Variants in ADGRB1 observed in about 807,000 individuals in gnomAD.
The protein encoded by ADGRB1 is adhesion G protein-coupled receptor B1.
A neutral mutation model predicts 175.7 loss-of-function variants in ADGRB1; 36 were observed. The ratio of observed to expected loss-of-function variants is 0.20; its 90% CI spans 0.16 to 0.27. The LOEUF is 0.27. ADGRB1 is among the 10% of genes least tolerant of loss of function. The pLI is 1.00. For synonymous variants in ADGRB1, 1,054 were observed against 979.4 expected, an observed-to-expected ratio of 1.08 and a Z score of -1.42; for missense variants, 1,731 against 2,255.3, an observed-to-expected ratio of 0.77 and a Z score of 4.71.
At chr8:142,536,360 C>T (rs1420460715) in intron 25 of ADGRB1, among the ~76,000 whole-genome samples, 5 of 152,182 alleles carry the variant, frequency 3.3e-5, no homozygotes, top group Non-Finnish European at 1.5e-5. Flanking sequence ...CAGTCTTTAC[C>T]TCCTTGGGAG....
intron 12 of ADGRB1, among the ~76,000 whole-genome samples, chr8:142,484,407 C>G (rs572958647): frequency 6.6e-6 from 1 of 152,360 alleles, no homozygotes; most frequent in South Asian, 2.1e-4. Flanking sequence ...CCGGGCAGCA[C>G]CCGGCATGGG....
At chr8:142,516,557 CAT>C (rs1491583623) in intron 18 of ADGRB1, among the ~76,000 whole-genome samples, 7 of 128,694 alleles carry the variant, frequency 5.4e-5, no homozygotes, top group Admixed American at 3.2e-4. Context: ...GCCCCAGGTG[CAT>C]GTGTGTGTGT....
chr8:142,533,158 G>A lies in ADGRB1; in HGVS notation c.3399-137G>A, dbSNP rs2132225847. 3 of 1,012,202 alleles carry A rather than the reference G, an allele frequency of 3.0e-6. No individual in the cohort carries two copies. The South Asian group carries it at 5.4e-5, about 18-fold the overall frequency. 62.7% of individuals were successfully genotyped at this position (1,012,202 alleles called of 1,614,324 possible). ...AGACTCACCCCAGAGAGGAAGGGCT[G>A]CTTGGCCCAGGCCCCCAGAGACAGA... is the stretch of plus-strand genomic sequence containing the variant. On this transcript the variant is annotated intron_variant, in intron 24 of 30. Coordinates refer to ENST00000517894, the MANE Select transcript of ADGRB1 (RefSeq NM_001702.3).
intron 23 of ADGRB1, among the ~76,000 whole-genome samples, chr8:142,525,661 C>T (rs1461104689): frequency 6.6e-6 from 1 of 152,188 alleles, no homozygotes; most frequent in Non-Finnish European, 1.5e-5. Flanking sequence ...GTCATGAGCC[C>T]TGAGCTGGAG....
At chr8:142,527,357 G>GT (rs1844268652) in intron 24 of ADGRB1, among the ~76,000 whole-genome samples, 1 of 152,106 alleles carries the variant, frequency 6.6e-6, no homozygotes. Flanking sequence ...CCTCCCCTCC[G>GT]TGCCAGTCTT....
chr8:142,452,127 C>T (rs1411096732), intron 1 of ADGRB1, among the ~76,000 whole-genome samples: 2 of 152,206 alleles, frequency 1.3e-5, no homozygotes, highest in African/African-American at 4.8e-5. Flanking sequence ...CCCGGAGCGC[C>T]CGGCGCCCCA....
In ADGRB1 at chr8:142,522,121, C is replaced by G. The variant is rs2132133318; in HGVS notation, c.3175+6C>G. On this transcript the variant is annotated splice_donor_region_variant and intron_variant, in intron 21 of 30. Coordinates refer to ENST00000517894, the MANE Select transcript of ADGRB1 (RefSeq NM_001702.3). ...CTTCCTCTGCCTGGGCTGGGGTGAG[C>G]CGCGGCCTTCCCGACCCTCCTGGAC... 2 of 1,606,698 alleles carry G rather than the reference C, an allele frequency of 1.2e-6. No individual in the cohort carries two copies. Among genetic ancestry groups the G allele is most frequent in the East Asian group, 4.5e-5 (2 of 44,836 alleles).
In ADGRB1 at chr8:142,455,286, A is replaced by G. The variant is rs1295879474; in HGVS notation, c.-220+5182A>G. The stretch of plus-strand genomic sequence containing the variant: ...CAGCACCTGGACACCCCTCACAGCC[A>G]CCTCCCTCAGCATGATCGCTGTCAC... On this transcript the variant is annotated intron_variant, in intron 1 of 30. Transcript: ENST00000517894. This position sits in a 1 kb window ranked among gnomAD's most constrained non-coding sequence, Gnocchi z 4.9. Among the ~76,000 whole-genome samples, 1 of 149,482 alleles carries G rather than the reference A, an allele frequency of 6.7e-6. No individual in the cohort carries two copies. Among genetic ancestry groups the G allele is most frequent in the Non-Finnish European group, 1.5e-5 (1 of 67,476 alleles).
chr8:142,452,117 C>G (rs961686139), intron 1 of ADGRB1, among the ~76,000 whole-genome samples: 3 of 152,222 alleles, frequency 2.0e-5, no homozygotes, highest in Non-Finnish European at 4.4e-5. Flanking sequence ...GTTCGGGGAT[C>G]CCGGAGCGCC....
At position 142,542,240 on chromosome 8, in the gene ADGRB1, G is replaced by T; in HGVS notation, c.4006G>T (p.Ala1336Ser). The T allele has an allele frequency of 6.2e-7, 1 of 1,613,592 alleles. No homozygotes were observed. The highest frequency in any genetic ancestry group is 8.5e-7 in the Non-Finnish European group (1 of 1,179,844). The change falls in exon 28 of 31, where the codon GCC becomes TCC. Residue 1336 changes from alanine (A) to serine (S), a missense_variant. This residue lies in a region of ADGRB1 where 394 missense variants were observed against 410.2 expected (regional missense o/e 0.96). Transcript: ENST00000517894. The surrounding 1 kb of genome is among the most constrained non-coding windows in gnomAD (Gnocchi z 6.3). ...GAAGCTGGACTCGGAGCTGAGCCGG[G>T]CCCAGGAGAAGGCTCTGGACACGAG... ...FKKLDSELSR[A>S]QEKALDTSYV...
rs569425057 is a variant in ADGRB1, at chr8:142,499,421, C to T, written c.2675+8606C>T. Among the ~76,000 whole-genome samples the T allele has an allele frequency of 5.3e-5, 8 of 152,350 alleles. No homozygotes were observed. In the East Asian group the frequency reaches 7.7e-4, roughly 15 times the overall value. The stretch of plus-strand genomic sequence containing the variant: ...GATGGCAGGCAGCCGCTCAAAAGAG[C>T]GCCACCCTTGGGGGCCGGAGACTTG... On this transcript the variant is annotated intron_variant, in intron 17 of 30. Coordinates refer to ENST00000517894, the MANE Select transcript of ADGRB1 (RefSeq NM_001702.3).
chr8:142,543,542 G>T lies in ADGRB1; in HGVS notation c.4450-59G>T. The T allele has an allele frequency of 6.3e-7, 1 of 1,586,282 alleles. No homozygotes were observed. On this transcript the variant is annotated intron_variant, in intron 29 of 30. Coordinates refer to ENST00000517894, the MANE Select transcript of ADGRB1 (RefSeq NM_001702.3). This position sits in a 1 kb window ranked among gnomAD's most constrained non-coding sequence, Gnocchi z 4.4. ...GGCAGCCAGGGGACGGGCGGGGCAGGCAGGATGGGCCATGCCCTCCTCCTG... is the reference window on the plus strand; with the variant it reads ...GGCAGCCAGGGGACGGGCGGGGCAGTCAGGATGGGCCATGCCCTCCTCCTG...
At chr8:142,505,267 A>G (rs964195194) in intron 17 of ADGRB1, among the ~76,000 whole-genome samples, 1 of 152,206 alleles carries the variant, frequency 6.6e-6, no homozygotes, top group Non-Finnish European at 1.5e-5. Context: ...GGGCTGGACA[A>G]GCATCGTCTA....
chr8:142,452,987 C>T (rs1229691622), intron 1 of ADGRB1, among the ~76,000 whole-genome samples: 1 of 148,060 alleles, frequency 6.8e-6, no homozygotes, highest in Non-Finnish European at 1.5e-5. Context: ...GCCCGCGGCT[C>T]CGGCCCCATC....
rs530075034 is a variant in ADGRB1 at position 142,452,349 on chromosome 8, G to A, written c.-220+2245G>A. Among the ~76,000 whole-genome samples, 4 of 152,316 alleles carry A rather than the reference G, an allele frequency of 2.6e-5. No homozygotes were observed. The East Asian group carries it at 5.8e-4, about 22-fold the overall frequency. On this transcript the variant is annotated intron_variant, in intron 1 of 30. Transcript: ENST00000517894. ...GTTTGCCGCCTCCGATCCCAGGGAC[G>A]GGCGCTTGTTCCTGCCGGGGTCCCG... is the stretch of plus-strand genomic sequence containing the variant.
chr8:142,463,428 G>A lies in ADGRB1; in HGVS notation c.-219-552G>A, dbSNP rs76888187. On this transcript the variant is annotated intron_variant, in intron 1 of 30. Transcript: ENST00000517894. ...TTTAGAAAGGGCTCGGGGGCCAGAC[G>A]GGAGGCTGGGGAATGGCCCGAGTAA... Among the ~76,000 whole-genome samples the A allele has an allele frequency of 6.6e-5, 10 of 152,348 alleles. No individual in the cohort carries two copies. The East Asian group carries it at 1.5e-3, about 23-fold the overall frequency.
intron 17 of ADGRB1, among the ~76,000 whole-genome samples, chr8:142,509,350 A>G (rs954591090): frequency 8.5e-5 from 13 of 152,136 alleles, no homozygotes; most frequent in African/African-American, 2.7e-4. Flanking sequence ...GGTATAGGTA[A>G]CTTCCCAAGG....
chr8:142,544,050 C>T (rs1228544459), intron 30 of ADGRB1, among the ~76,000 whole-genome samples, 170 bp from the exon 31 acceptor site: 1 of 152,108 alleles, frequency 6.6e-6, no homozygotes. Context: ...TGCCGCTGCC[C>T]AGCTCTGTTC....
intron 24 of ADGRB1, 123 bp downstream of exon 24, chr8:142,526,750 C>T (rs1269695651): frequency 1.2e-5 from 12 of 1,013,954 alleles, no homozygotes; most frequent in East Asian, 7.9e-5. Flanking sequence ...GACCCCGGAG[C>T]GGGTGGGAAA....
Sources: allele counts gnomAD v4.1 joint callset (sites outside exome capture counted in the v4.1 genomes callset), GRCh38; gene constraint gnomAD v4.1.1; regional missense constraint gnomAD v4.1.1; non-coding constraint Gnocchi (gnomAD v3.1); transcripts MANE v1.5; gene names NCBI Gene and HGNC (gene_info 2026-07-23, HGNC 2026-07-21).